Variants in DMAC2 observed in about 807,000 individuals in gnomAD.
DMAC2 encodes distal membrane-arm assembly complex protein 2.
Under a neutral mutation model 29.6 loss-of-function variants are expected in DMAC2, and 32 were observed. The ratio of observed to expected loss-of-function variants is 1.08; its 90% CI spans 0.81 to 1.45. The LOEUF (loss-of-function observed/expected upper bound fraction) is 1.45. DMAC2 is among the 40% of genes most tolerant of loss of function. DMAC2 has a pLI of 0.00. For missense variants in DMAC2, 319 were observed against 340.0 expected, an observed-to-expected ratio of 0.94 and a Z score of 0.49; for synonymous variants, 133 against 137.4, an observed-to-expected ratio of 0.97 and a Z score of 0.23.
intron 1 of DMAC2, 181 bp downstream of exon 1, chr19:41,439,701 G>A (rs1269372815): frequency 1.5e-6 from 2 of 1,299,794 alleles, no homozygotes; most frequent in South Asian, 2.5e-5. Context: ...CTCCGCCTGC[G>A]ACCCTCACAG....
intron 2 of DMAC2, among the ~76,000 whole-genome samples, chr19:41,437,509 G>A (rs552824220): frequency 1.1e-4 from 16 of 152,204 alleles, no homozygotes; most frequent in East Asian, 7.7e-4. Flanking sequence ...GAGCAGCCTC[G>A]CTAACATGGT....
Position 41,436,391 on chromosome 19 carries a change from C to T in DMAC2, c.296+1G>A, listed in dbSNP as rs782024708. ...CCGTTCTAACACCTTAGCGGTCATA[C>T]TTGACTGCGCCTCCCTGCTTCAGGA... is the stretch of plus-strand genomic sequence containing the variant. On this transcript the variant is annotated splice_donor_variant, in intron 3 of 5. Transcript: ENST00000221943. LOFTEE classifies it high-confidence loss of function. The T allele has an allele frequency of 1.1e-5, 17 of 1,614,042 alleles. No homozygotes were observed. The highest frequency in any genetic ancestry group is 1.4e-5 in the Non-Finnish European group (17 of 1,179,902).
chr19:41,435,986 C>T (rs1371747244), intron 3 of DMAC2, among the ~76,000 whole-genome samples: 1 of 152,124 alleles, frequency 6.6e-6, no homozygotes, highest in Non-Finnish European at 1.5e-5. Context: ...TGCGATTCTC[C>T]TGCCTCAGCC....
intron 5 of DMAC2, 53 bp downstream of exon 5, chr19:41,433,219 G>A: frequency 6.5e-7 from 1 of 1,542,274 alleles, no homozygotes; most frequent in Non-Finnish European, 8.7e-7. Flanking sequence ...CTGCATCTGG[G>A]TTAGGTGGGA....
chr19:41,436,440 G>A lies in DMAC2; in HGVS notation c.248C>T (p.Pro83Leu), dbSNP rs782513519. ...SYTWLEKQHG[P>L]YGAGAFFILK... is the part of the protein sequence containing the mutation. ...GATGAAAAAGGCACCTGCGCCGTAT[G>A]GACCATGTTGCTTCTCCAGCCAGGT... Residue 83 changes from proline (P) to leucine (L), a missense_variant, in exon 3 of 6, where the codon CCA becomes CTA. Transcript: ENST00000221943. 1 of 1,614,174 alleles carries A rather than the reference G, an allele frequency of 6.2e-7. No homozygotes were observed. The highest frequency in any genetic ancestry group is 1.7e-5 in the Admixed American group (1 of 60,028).
Position 41,436,411 on chromosome 19 carries a change from TC to T in DMAC2, c.276del (p.Lys93SerfsTer55). On this transcript the variant is annotated frameshift_variant, in exon 3 of 6. Coordinates refer to ENST00000221943, the MANE Select transcript of DMAC2 (RefSeq NM_018035.3). LOFTEE classifies it high-confidence loss of function. Reference sequence around the variant, plus strand: ...TCATACTTGACTGCGCCTCCCTGCTTCAGGATGAAAAAGGCACCTGCGCCGT... The same window carrying T: ...TCATACTTGACTGCGCCTCCCTGCTTAGGATGAAAAAGGCACCTGCGCCGT... ...GPYGAGAFFI[L>X]KQGGAVKFRD... 1 of 1,613,948 alleles carries T rather than the reference TC, an allele frequency of 6.2e-7. No individual in the cohort carries two copies. Among genetic ancestry groups the T allele is most frequent in the Non-Finnish European group, 8.5e-7 (1 of 1,179,852 alleles).
At chr19:41,435,007 CAAA>C (rs200031507) in intron 3 of DMAC2, among the ~76,000 whole-genome samples, 2 of 135,160 alleles carry the variant, frequency 1.5e-5, no homozygotes, top group African/African-American at 2.7e-5. Flanking sequence ...ACTCTTGTCT[CAAA>C]AAAAAAAAAA....
chr19:41,439,404 T>C, intron 1 of DMAC2: 2 of 1,201,022 alleles, frequency 1.7e-6, no homozygotes, highest in South Asian at 2.6e-5. Flanking sequence ...ATTGACCTCT[T>C]GGTTCCCCCA....
chr19:41,432,302 C>A lies in DMAC2; in HGVS notation c.703G>T (p.Asp235Tyr). The stretch of plus-strand genomic sequence containing the variant: ...CCTGACTTCAGGCCCTCAGCCCAGT[C>A]GACTCCCACAACCTCGCAATTGGGC... ...MLPNCEVVGVDWAEGLKSGPE... is the reference protein window; with the variant it reads ...MLPNCEVVGVYWAEGLKSGPE... Residue 235 changes from aspartate (D) to tyrosine (Y), a missense_variant, in exon 6 of 6, where the codon GAC becomes TAC. By Grantham distance (160) the Asp-to-Tyr change is radical (BLOSUM62 -3). Transcript: ENST00000221943. 6.2e-7 allele frequency: 1 copy of A among 1,614,158 alleles called. No homozygotes were observed. Among genetic ancestry groups the A allele is most frequent in the Non-Finnish European group, 8.5e-7 (1 of 1,180,032 alleles).
chr19:41,437,646 C>T (rs2039941602), intron 2 of DMAC2, among the ~76,000 whole-genome samples: 1 of 151,180 alleles, frequency 6.6e-6, no homozygotes, highest in Non-Finnish European at 1.5e-5. Context: ...TTGCAGTGAG[C>T]TTAGATTGCG....
rs377249221 is a variant in DMAC2, at chr19:41,433,721, G to C, written c.297-48C>G. 1.3e-5 allele frequency: 21 copies of C among 1,612,574 alleles called. No individual in the cohort carries two copies. In the African/African-American group the frequency reaches 1.9e-4, roughly 14 times the overall value. On this transcript the variant is annotated intron_variant, in intron 3 of 5. Transcript: ENST00000221943. ...CAGCAGGGCACCTGAACCTGCCCCAGGCCTCCAGCCTCTTCAGAACCTTCC... is the reference window on the plus strand; with the variant it reads ...CAGCAGGGCACCTGAACCTGCCCCACGCCTCCAGCCTCTTCAGAACCTTCC...
At chr19:41,433,219 G>T (rs1555769937) in intron 5 of DMAC2, 53 bp downstream of exon 5, 1 of 1,542,274 alleles carries the variant, frequency 6.5e-7, no homozygotes, top group Non-Finnish European at 8.7e-7. Flanking sequence ...CTGCATCTGG[G>T]TTAGGTGGGA....
intron 5 of DMAC2, chr19:41,432,845 C>T: frequency 2.4e-6 from 1 of 421,534 alleles, no homozygotes; most frequent in Non-Finnish European, 4.1e-6. Context: ...AAATTTCAAC[C>T]TTACAGGACA....
intron 3 of DMAC2, 101 bp from the exon 4 acceptor site, chr19:41,433,774 C>A (rs2039710122): frequency 6.9e-7 from 1 of 1,452,644 alleles, no homozygotes; most frequent in Admixed American, 2.0e-5. Flanking sequence ...GTATAGGTCA[C>A]CCTTGACATA....
At chr19:41,437,528 A>G (rs2039933118) in intron 2 of DMAC2, among the ~76,000 whole-genome samples, 1 of 151,948 alleles carries the variant, frequency 6.6e-6, no homozygotes, top group Non-Finnish European at 1.5e-5. Flanking sequence ...GTGAAAACCC[A>G]TCTCTACTAA....
At chr19:41,434,245 C>CA (rs1478665972) in intron 3 of DMAC2, among the ~76,000 whole-genome samples, 1 of 145,798 alleles carries the variant, frequency 6.9e-6, no homozygotes, top group African/African-American at 2.6e-5. Flanking sequence ...AAAAAAAAAA[C>CA]AAAAAAACAA....
At position 41,432,239 on chromosome 19, in the gene DMAC2, G is replaced by A. The variant is rs143413450; in HGVS notation, c.766C>T (p.Pro256Ser). Residue 256 changes from proline to serine, a missense_variant, in exon 6 of 6, where the codon CCT becomes TCT. Pro to Ser is a moderately conservative substitution (Grantham distance 74). Transcript: ENST00000221943. ...GGGGACAGGGCTAAAGGCTAGGCAG[G>A]GACAGGGCTGGCTGTGTCCCGAGGC... is the stretch of plus-strand genomic sequence containing the variant. The part of the protein sequence containing the change: ...EQPRDTASPV[P>S]A 3.1e-6 allele frequency: 5 copies of A among 1,613,584 alleles called. No homozygotes were observed. In the African/African-American group the frequency reaches 4.0e-5, roughly 13 times the overall value.
chr19:41,436,415 G>C lies in DMAC2; in HGVS notation c.273C>G (p.Ile91Met), dbSNP rs781800932. 3.7e-6 allele frequency: 6 copies of C among 1,614,040 alleles called. No homozygotes were observed. Among genetic ancestry groups the C allele is most frequent in the Non-Finnish European group, 5.1e-6 (6 of 1,180,040 alleles). The change falls in exon 3 of 6, where the codon ATC becomes ATG. Residue 91 changes from isoleucine to methionine, a missense_variant. Physicochemically the swap from Ile to Met is conservative, Grantham distance 10. Coordinates refer to ENST00000221943, the MANE Select transcript of DMAC2 (RefSeq NM_018035.3). The part of the protein sequence containing the change: ...HGPYGAGAFF[I>M]LKQGGAVKFR... ...ACTTGACTGCGCCTCCCTGCTTCAG[G>C]ATGAAAAAGGCACCTGCGCCGTATG...
At chr19:41,435,214 G>A (rs534773178) in intron 3 of DMAC2, among the ~76,000 whole-genome samples, 1 of 152,020 alleles carries the variant, frequency 6.6e-6, no homozygotes, top group East Asian at 1.9e-4. Flanking sequence ...CTGGGCTCAA[G>A]TGCTGTACCT....
Sources: allele counts gnomAD v4.1 joint callset (sites outside exome capture counted in the v4.1 genomes callset), GRCh38; gene constraint gnomAD v4.1.1; transcripts MANE v1.5; gene names NCBI Gene and HGNC (gene_info 2026-07-23, HGNC 2026-07-21).